The following WASF3 variants were observed in gnomAD, a reference collection of about 807,000 sequenced individuals.
The protein encoded by WASF3 is actin-binding protein WASF3.
Under a neutral mutation model 46.6 loss-of-function variants are expected in WASF3, and 11 were observed. The observed-to-expected ratio is 0.24, with a 90% CI of 0.15 to 0.39. WASF3 has a LOEUF of 0.39. Among genes scored for constraint, WASF3 ranks in the 10% least tolerant of loss-of-function variants. The pLI, the probability that WASF3 is intolerant of heterozygous loss-of-function variation, is 1.00. For synonymous variants in WASF3, 242 were observed against 259.7 expected (o/e 0.93, Z 0.65); for missense variants, 576 against 669.8 (o/e 0.86, Z 1.55).
intron 7 of WASF3, among the ~76,000 whole-genome samples, chr13:26,677,412 TGTA>T (rs560593081): frequency 1.3e-5 from 2 of 152,254 alleles, no homozygotes; most frequent in Non-Finnish European, 2.9e-5. Context: ...TTTGTAAAGT[TGTA>T]GTCTTCCATT....
intron 9 of WASF3, among the ~76,000 whole-genome samples, chr13:26,683,832 T>G (rs1177060008): frequency 1.3e-5 from 2 of 152,188 alleles, no homozygotes; most frequent in East Asian, 3.9e-4. Flanking sequence ...CTCGCCTGTC[T>G]TGGGCTGCCC....
At chr13:26,636,779 G>T (rs928147979) in intron 2 of WASF3, among the ~76,000 whole-genome samples, 18 of 152,170 alleles carry the variant, frequency 1.2e-4, no homozygotes, top group African/African-American at 4.3e-4. Context: ...CTCAAAACTG[G>T]CAGCTGCCGT....
chr13:26,542,992 G>A, the WASF3 span, among the ~76,000 whole-genome samples: 1 of 152,192 alleles, frequency 6.6e-6, no homozygotes, highest in Admixed American at 6.5e-5. Context: ...TAAAGAAGAG[G>A]GAGTATGTTA....
At chr13:26,649,378 A>T (rs114599524) in intron 3 of WASF3, among the ~76,000 whole-genome samples, 2,565 of 152,348 alleles carry the variant, frequency 0.017, 38 homozygotes, top group African/African-American at 0.045. Flanking sequence ...ATGGCTGATA[A>T]GTACTTTCGA....
chr13:26,642,696 G>A (rs1021141081), intron 3 of WASF3, among the ~76,000 whole-genome samples: 1 of 152,144 alleles, frequency 6.6e-6, no homozygotes, highest in African/African-American at 2.4e-5. Context: ...AAGATAATTG[G>A]TAATTTTTTA....
intron 1 of WASF3, among the ~76,000 whole-genome samples, chr13:26,591,941 G>A (rs952248607): frequency 2.6e-5 from 4 of 151,868 alleles, no homozygotes; most frequent in African/African-American, 9.7e-5. Context: ...GTTAATCCCA[G>A]TGCACTCAGC....
chr13:26,544,207 A>G, the WASF3 span, among the ~76,000 whole-genome samples: 1 of 152,212 alleles, frequency 6.6e-6, no homozygotes, highest in South Asian at 2.1e-4. Flanking sequence ...TTAAGAGTGG[A>G]TACAACCATA....
intron 5 of WASF3, among the ~76,000 whole-genome samples, chr13:26,668,992 C>T (rs980101404): frequency 6.6e-6 from 1 of 152,126 alleles, no homozygotes; most frequent in African/African-American, 2.4e-5. Flanking sequence ...TGAAAACTTT[C>T]TACCTGCCGT....
intron 6 of WASF3, among the ~76,000 whole-genome samples, chr13:26,676,257 T>TA (rs1489579934): frequency 6.6e-6 from 1 of 152,230 alleles, no homozygotes; most frequent in Non-Finnish European, 1.5e-5. Flanking sequence ...TGTTTAGGTT[T>TA]AAAACAAGTT....
rs1593189504 is a variant in WASF3, at chr13:26,682,649, A to G, written c.1026A>G (p.Gly342=). 6.2e-7 allele frequency: 1 copy of G among 1,614,036 alleles called. No individual in the cohort carries two copies. The highest frequency in any genetic ancestry group is 2.2e-5 in the East Asian group (1 of 44,864). Residue 342 remains glycine (G), a synonymous_variant, in exon 9 of 10, where the codon GGA becomes GGG. Coordinates refer to ENST00000335327, the MANE Select transcript of WASF3 (RefSeq NM_006646.6). This position sits in a 1 kb window ranked among gnomAD's most constrained non-coding sequence, Gnocchi z 4.4. ...AQIIEYYNPS[G]PPPPPPPPVI... ...TAATTGAGTATTACAACCCATCCGGACCACCTCCTCCGCCACCTCCTCCTG... is the reference window on the plus strand; with the variant it reads ...TAATTGAGTATTACAACCCATCCGGGCCACCTCCTCCGCCACCTCCTCCTG...
chr13:26,651,096 T>G (rs1415917986), intron 3 of WASF3, among the ~76,000 whole-genome samples: 2 of 152,000 alleles, frequency 1.3e-5, no homozygotes, highest in African/African-American at 4.8e-5. Context: ...CCAAGGCAGG[T>G]GGATTACTTG....
At chr13:26,593,269 G>A (rs1880358525) in intron 1 of WASF3, among the ~76,000 whole-genome samples, 1 of 152,198 alleles carries the variant, frequency 6.6e-6, no homozygotes, top group Non-Finnish European at 1.5e-5. Flanking sequence ...CTTGGCCGAA[G>A]CATGGGCTTC....
intron 1 of WASF3, among the ~76,000 whole-genome samples, chr13:26,563,128 G>T (rs1879351716): frequency 6.6e-6 from 1 of 151,544 alleles, no homozygotes; most frequent in East Asian, 2.0e-4. Flanking sequence ...TTGCTGTCCT[G>T]TTCTGACAGA....
intron 2 of WASF3, among the ~76,000 whole-genome samples, chr13:26,630,255 A>G (rs889491405): frequency 2.0e-5 from 3 of 151,986 alleles, no homozygotes; most frequent in Admixed American, 2.0e-4. Flanking sequence ...GGTTTGCTGC[A>G]CTCACTAACT....
chr13:26,636,716 G>C (rs958067630), intron 2 of WASF3, among the ~76,000 whole-genome samples: 1 of 152,184 alleles, frequency 6.6e-6, no homozygotes, highest in Non-Finnish European at 1.5e-5. Flanking sequence ...CAGCCAGGCT[G>C]TTTGCACCAC....
chr13:26,685,310 A>G (rs922500899), intron 9 of WASF3, among the ~76,000 whole-genome samples: 5 of 152,042 alleles, frequency 3.3e-5, no homozygotes, highest in South Asian at 4.1e-4. Flanking sequence ...GGTGATAGAA[A>G]TGCTCCAGCC....
rs189050127 is a variant in WASF3, at chr13:26,593,064, T to G, written c.-108-19897T>G. Among the ~76,000 whole-genome samples the G allele has an allele frequency of 1.2e-3, 182 of 152,276 alleles. 3 individuals are homozygous for G. The highest frequency in any genetic ancestry group is 1.6e-3 in the Non-Finnish European group (107 of 68,018). ...ATGTTAACGGTTTTTAGGGAGTCCC[T>G]GCCGTGCAATATTGGTTCAGTGAAT... On this transcript the variant is annotated intron_variant, in intron 1 of 9. Transcript: ENST00000335327.
At chr13:26,553,691 C>T (rs1879016963), upstream of WASF3, among the ~76,000 whole-genome samples, 1 of 151,894 alleles carries the variant, frequency 6.6e-6, no homozygotes, top group South Asian at 2.1e-4. Flanking sequence ...GTGGCGGGCG[C>T]CTGTAGTCCC....
intron 2 of WASF3, among the ~76,000 whole-genome samples, chr13:26,634,919 A>G (rs1373332498): frequency 6.6e-6 from 1 of 151,862 alleles, no homozygotes; most frequent in Non-Finnish European, 1.5e-5. Flanking sequence ...TGCCTTTAAC[A>G]TTTTTTCCTT....
Sources: gnomAD v4.1 joint callset for allele counts (sites outside exome capture counted in the v4.1 genomes callset) on GRCh38, gnomAD v4.1.1 for gene constraint, Gnocchi (gnomAD v3.1) non-coding constraint, MANE v1.5 for transcripts, NCBI Gene and HGNC (gene_info 2026-07-23, HGNC 2026-07-21) for gene names.